Variants in WDPCP observed in about 807,000 individuals in gnomAD.
WDPCP encodes the protein WD repeat-containing and planar cell polarity effector protein fritz homolog.
In WDPCP, 71 loss-of-function variants were observed where a neutral mutation model predicts 93.1. That is an observed-to-expected ratio of 0.76 (90% confidence interval 0.63 to 0.93). The LOEUF is 0.93. Among genes scored for constraint, WDPCP ranks in the 40% least tolerant of loss-of-function variants. The pLI is 0.00. For synonymous variants in WDPCP, 315 were observed against 315.0 expected (o/e 1.00, Z 0.00); for missense variants, 844 against 887.4 (o/e 0.95, Z 0.62).
intron 14 of WDPCP, among the ~76,000 whole-genome samples, chr2:63,200,622 T>C (rs1675828572): frequency 6.6e-6 from 1 of 152,042 alleles, no homozygotes; most frequent in Non-Finnish European, 1.5e-5. Flanking sequence ...AGCTAAAAAT[T>C]AGAATGATGG....
chr2:63,152,070 T>G (rs1671922499), intron 17 of WDPCP, among the ~76,000 whole-genome samples: 1 of 152,140 alleles, frequency 6.6e-6, no homozygotes, highest in African/African-American at 2.4e-5. Flanking sequence ...GAACTACCTG[T>G]CAGATGTGAT....
chr2:63,212,826 G>C (rs1676951122), intron 14 of WDPCP, among the ~76,000 whole-genome samples: 1 of 150,134 alleles, frequency 6.7e-6, no homozygotes, highest in Non-Finnish European at 1.5e-5. Flanking sequence ...TGCAATCCTA[G>C]TCTCTGATAA....
At chr2:63,519,560 G>A (rs759400531) in intron 1 of WDPCP, among the ~76,000 whole-genome samples, 2 of 152,128 alleles carry the variant, frequency 1.3e-5, no homozygotes, top group Non-Finnish European at 1.5e-5. Context: ...CTAACCTCAA[G>A]GGGTGAGAGA....
intron 3 of WDPCP, among the ~76,000 whole-genome samples, chr2:63,630,600 A>G (rs991954844): frequency 2.6e-5 from 4 of 152,210 alleles, no homozygotes; most frequent in African/African-American, 9.7e-5. Flanking sequence ...GTATGCACCA[A>G]ACAACAGAGA....
Position 63,123,757 on chromosome 2 carries a change from A to T in WDPCP, c.2191-1701T>A, listed in dbSNP as rs530097835. Among the ~76,000 whole-genome samples the T allele has an allele frequency of 2.7e-3, 418 of 152,078 alleles. 2 individuals carry two copies. Among genetic ancestry groups the T allele is most frequent in the African/African-American group, 9.7e-3 (402 of 41,580 alleles). On this transcript the variant is annotated intron_variant, in intron 17 of 17. Transcript: ENST00000272321. ...AAATTTGGAAAACAGGAAACTATGA[A>T]AATTTACCCATAGTCCTACTAGTTA...
At chr2:63,604,957 G>T in intron 3 of WDPCP, 2 of 1,371,632 alleles carry the variant, frequency 1.5e-6, no homozygotes, top group South Asian at 2.7e-5. Context: ...AAAGAGGGCA[G>T]GTCTTTCACA....
chr2:63,389,952 C>CTT (rs1194260906), intron 10 of WDPCP, among the ~76,000 whole-genome samples: 10 of 152,132 alleles, frequency 6.6e-5, no homozygotes, highest in South Asian at 2.1e-4. Flanking sequence ...TAATGGGAGA[C>CTT]TTTAACATCC....
chr2:63,595,400 A>G (rs373327711), intron 3 of WDPCP: 194 of 1,431,500 alleles, frequency 1.4e-4, no homozygotes, highest in Middle Eastern at 5.3e-4. Flanking sequence ...ACACTAACAG[A>G]TGCTGTCCTT....
intron 14 of WDPCP, among the ~76,000 whole-genome samples, chr2:63,217,575 T>A (rs1262373293): frequency 2.0e-5 from 3 of 152,198 alleles, no homozygotes; most frequent in Non-Finnish European, 4.4e-5. Flanking sequence ...GGTACATTCT[T>A]GAGACCAACA....
At chr2:63,278,834 A>G (rs1683284012) in intron 13 of WDPCP, among the ~76,000 whole-genome samples, 1 of 152,178 alleles carries the variant, frequency 6.6e-6, no homozygotes, top group Non-Finnish European at 1.5e-5. Flanking sequence ...ACCACAGAAA[A>G]AGATTATTCA....
chr2:63,786,098 G>A (rs1670464169), intron 2 of WDPCP, among the ~76,000 whole-genome samples: 1 of 152,092 alleles, frequency 6.6e-6, no homozygotes, highest in Non-Finnish European at 1.5e-5. Context: ...GGAGTGCAGT[G>A]GCGCAATCAC....
intron 9 of WDPCP, among the ~76,000 whole-genome samples, chr2:63,406,457 G>A (rs1293466204): frequency 2.6e-5 from 4 of 152,030 alleles, no homozygotes; most frequent in Admixed American, 2.0e-4. Flanking sequence ...AAATCTTCTC[G>A]ATCAGGGGCA....
intron 2 of WDPCP, chr2:63,717,032 G>T (rs547258190): frequency 1.7e-5 from 4 of 238,480 alleles, no homozygotes; most frequent in Non-Finnish European, 3.3e-5. Flanking sequence ...CACTTCATCG[G>T]TATGACCTCT....
At chr2:63,249,775 A>AC (rs754432283) in intron 14 of WDPCP, among the ~76,000 whole-genome samples, 47 of 152,064 alleles carry the variant, frequency 3.1e-4, no homozygotes, top group Admixed American at 1.1e-3. Context: ...ATGTTCAAAG[A>AC]CCCCCAGTGA....
At chr2:63,333,798 CTG>C (rs747101258) in intron 12 of WDPCP, among the ~76,000 whole-genome samples, 11 of 152,312 alleles carry the variant, frequency 7.2e-5, no homozygotes, top group Non-Finnish European at 1.6e-4. Flanking sequence ...CTCCGGAGGG[CTG>C]TGTCATGGGC....
At chr2:63,448,863 G>C (rs1698042321) in intron 6 of WDPCP, among the ~76,000 whole-genome samples, 1 of 152,098 alleles carries the variant, frequency 6.6e-6, no homozygotes, top group Non-Finnish European at 1.5e-5. Flanking sequence ...TAGGGGTAGG[G>C]GAAATGGGGA....
chr2:63,760,473 T>G (rs1217065909), intron 2 of WDPCP, among the ~76,000 whole-genome samples: 1 of 151,898 alleles, frequency 6.6e-6, no homozygotes. Context: ...CTTCTAGAAC[T>G]TATAGGCAAA....
At chr2:63,261,385 A>AG (rs1429276766) in intron 13 of WDPCP, among the ~76,000 whole-genome samples, 1 of 152,164 alleles carries the variant, frequency 6.6e-6, no homozygotes, top group African/African-American at 2.4e-5. Context: ...AAGGCATTCT[A>AG]GCCTTTTAGC....
intron 12 of WDPCP, among the ~76,000 whole-genome samples, chr2:63,322,663 T>C (rs6755412): frequency 0.8 from 121,737 of 151,942 alleles, 49,638 homozygotes; most frequent in East Asian, 0.96. Flanking sequence ...GAACAAACTC[T>C]GGACACACCA....
Sources: allele counts gnomAD v4.1 joint callset (sites outside exome capture counted in the v4.1 genomes callset), GRCh38; gene constraint gnomAD v4.1.1; transcripts MANE v1.5; gene names NCBI Gene and HGNC (gene_info 2026-07-23, HGNC 2026-07-21).